The following MALRD1 variants were observed in gnomAD, a reference collection of about 807,000 sequenced individuals.
MALRD1 encodes the protein MAM and LDL receptor class A domain containing 1, also known as MAM and LDL-receptor class A domain-containing protein 1.
MALRD1 carries 247 observed loss-of-function variants against 242.1 expected under a neutral mutation model. That is an observed-to-expected ratio of 1.02 (90% CI 0.92 to 1.13). The LOEUF is 1.13. Among genes scored for constraint, MALRD1 ranks in the 50% most tolerant of loss-of-function variants. The pLI is 0.00. For missense variants in MALRD1, 2,989 were observed against 2,533.1 expected (o/e 1.18, Z -3.86); for synonymous variants, 995 against 866.6 (o/e 1.15, Z -2.60).
chr10:19,405,169 G>A (rs369175961), intron 28 of MALRD1, among the ~76,000 whole-genome samples: 23 of 152,256 alleles, frequency 1.5e-4, no homozygotes, highest in African/African-American at 5.3e-4. Flanking sequence ...TGGTAAGAAT[G>A]CGTCAACATC....
intron 31 of MALRD1, among the ~76,000 whole-genome samples, chr10:19,516,125 T>A (rs1564406166): frequency 6.6e-6 from 1 of 152,220 alleles, no homozygotes; most frequent in Non-Finnish European, 1.5e-5. Flanking sequence ...ATCTGAATTA[T>A]GTCTAATGTT....
rs549919893 is a variant in MALRD1 at position 19,676,180 on chromosome 10, G to T, written c.6138-16102G>T. 4.6e-5 allele frequency among the ~76,000 whole-genome samples: 7 copies of T among 152,296 alleles called. 1 individual carries two copies. Among genetic ancestry groups the T allele is most frequent in the Middle Eastern group, 3.4e-3 (1 of 294 alleles). On this transcript the variant is annotated intron_variant, in intron 36 of 39. Coordinates refer to ENST00000454679, the MANE Select transcript of MALRD1 (RefSeq NM_001142308.3). ...CCAGCGAGAAGCCAGATAACAAGAT[G>T]CCTGTATGTAAAACCACCTCATAGG...
chr10:19,159,779 A>T (rs1834319211), intron 12 of MALRD1, among the ~76,000 whole-genome samples: 2 of 152,198 alleles, frequency 1.3e-5, no homozygotes, highest in African/African-American at 4.8e-5. Flanking sequence ...AGCCAATGGA[A>T]CTAAGACTGT....
chr10:19,729,308 T>G (rs1278728872), intron 38 of MALRD1, among the ~76,000 whole-genome samples: 1 of 152,240 alleles, frequency 6.6e-6, no homozygotes, highest in Non-Finnish European at 1.5e-5. Context: ...AGAGCCCCCT[T>G]CTTGCTACAT....
intron 4 of MALRD1, among the ~76,000 whole-genome samples, chr10:19,102,856 T>TCTG (rs1448013279): frequency 1.3e-5 from 2 of 151,306 alleles, no homozygotes; most frequent in Non-Finnish European, 2.9e-5. Context: ...AGTCATTTCT[T>TCTG]CTTTTTTTTT....
intron 18 of MALRD1, among the ~76,000 whole-genome samples, chr10:19,249,460 A>T (rs1257256389): frequency 1.3e-5 from 2 of 151,878 alleles, no homozygotes; most frequent in African/African-American, 4.8e-5. Context: ...GGGATATAGC[A>T]TGGCACCAAG....
At chr10:19,467,082 T>C (rs962712881) in intron 29 of MALRD1, among the ~76,000 whole-genome samples, 22 of 151,972 alleles carry the variant, frequency 1.4e-4, no homozygotes, top group Non-Finnish European at 2.8e-4. Context: ...TGGCCAGGTG[T>C]GGTGGCTCAC....
intron 10 of MALRD1, among the ~76,000 whole-genome samples, chr10:19,138,246 T>C (rs1246693764): frequency 6.6e-6 from 1 of 152,188 alleles, no homozygotes; most frequent in African/African-American, 2.4e-5. Flanking sequence ...AAACAAACGA[T>C]GTAAGAGCAA....
chr10:19,454,120 A>G (rs1167251010), intron 29 of MALRD1, among the ~76,000 whole-genome samples: 2 of 150,952 alleles, frequency 1.3e-5, no homozygotes, highest in Non-Finnish European at 1.5e-5. Context: ...TAGCTTTTGG[A>G]TTTTCCTAAG....
intron 1 of MALRD1, among the ~76,000 whole-genome samples, chr10:19,055,310 G>T (rs1414823685): frequency 2.6e-5 from 4 of 152,128 alleles, no homozygotes; most frequent in Non-Finnish European, 5.9e-5. Flanking sequence ...ACCATTATCA[G>T]ATGTGTGCTT....
At chr10:19,678,855 G>A (rs145376335) in intron 36 of MALRD1, among the ~76,000 whole-genome samples, 111 of 152,164 alleles carry the variant, frequency 7.3e-4, no homozygotes, top group African/African-American at 2.6e-3. Context: ...GGTTTTAACA[G>A]GAAGGGATGT....
chr10:19,305,348 C>T (rs528080625), intron 21 of MALRD1, among the ~76,000 whole-genome samples: 121 of 151,580 alleles, frequency 8.0e-4, no homozygotes, highest in Middle Eastern at 3.4e-3. Context: ...GAAAATTATA[C>T]GAATAAGAAA....
At chr10:19,148,097 G>A (rs1202620267) in intron 11 of MALRD1, among the ~76,000 whole-genome samples, 3 of 152,144 alleles carry the variant, frequency 2.0e-5, no homozygotes, top group East Asian at 1.9e-4. Context: ...GCTCTAAAGG[G>A]CTGTTGTGTC....
chr10:19,417,373 A>G (rs1474437781), intron 28 of MALRD1, among the ~76,000 whole-genome samples: 2 of 152,208 alleles, frequency 1.3e-5, no homozygotes, highest in Non-Finnish European at 2.9e-5. Context: ...TTTCATGTGT[A>G]TGTGACTTAT....
intron 17 of MALRD1, among the ~76,000 whole-genome samples, chr10:19,208,110 G>A (rs1332700276): frequency 6.6e-6 from 1 of 150,616 alleles, no homozygotes; most frequent in East Asian, 1.9e-4. Context: ...ACCACAGTTG[G>A]TTGTGGGTTA....
intron 36 of MALRD1, among the ~76,000 whole-genome samples, chr10:19,659,907 A>G (rs1348420410): frequency 1.3e-5 from 2 of 152,128 alleles, no homozygotes; most frequent in African/African-American, 2.4e-5. Context: ...ACTGGTAAAT[A>G]ACAGGTATTG....
intron 31 of MALRD1, among the ~76,000 whole-genome samples, chr10:19,516,154 C>T (rs979666144): frequency 2.0e-5 from 3 of 152,050 alleles, no homozygotes; most frequent in Admixed American, 6.5e-5. Context: ...TGGAGATGTA[C>T]CTGCTTTAAT....
At chr10:19,317,563 G>A (rs545647048) in intron 21 of MALRD1, among the ~76,000 whole-genome samples, 7 of 152,150 alleles carry the variant, frequency 4.6e-5, no homozygotes, top group African/African-American at 1.7e-4. Context: ...AGTTAGCACA[G>A]TGAATCAAAG....
Position 19,586,374 on chromosome 10 carries a change from T to C in MALRD1, c.5681-8820T>C, listed in dbSNP as rs11010583. Among the ~76,000 whole-genome samples, 891 of 152,292 alleles carry C rather than the reference T, an allele frequency of 5.9e-3. 12 individuals are homozygous for C. Among genetic ancestry groups the C allele is most frequent in the East Asian group, 0.031 (160 of 5,178 alleles). On this transcript the variant is annotated intron_variant, in intron 33 of 39. Transcript: ENST00000454679. ...TTGTGGTTTTATCTACTTTTGGTCT[T>C]TGATGATGGTGATGTACAGATGGGT...
Sources: gnomAD v4.1 joint callset for allele counts (sites outside exome capture counted in the v4.1 genomes callset) on GRCh38, gnomAD v4.1.1 for gene constraint, MANE v1.5 for transcripts, NCBI Gene and HGNC (gene_info 2026-07-23, HGNC 2026-07-21) for gene names.